CEP290: variants seen among roughly 807,000 people sequenced by gnomAD.
The protein encoded by CEP290 is centrosomal protein of 290 kDa.
Under a neutral mutation model 344.9 loss-of-function variants are expected in CEP290, and 317 were observed. The ratio of observed to expected loss-of-function variants is 0.92; its 90% CI spans 0.84 to 1.01. CEP290 has a LOEUF of 1.01. Ranked by LOEUF, CEP290 falls within the 50% of genes least tolerant of loss-of-function variation. The probability of loss-of-function intolerance (pLI) is 0.00; values close to 1 mark genes in which losing one functional copy is unlikely to be tolerated. For missense variants in CEP290, 2,754 were observed against 2,761.4 expected, an observed-to-expected ratio of 1.00 and a Z score of 0.06; for synonymous variants, 932 against 895.8, an observed-to-expected ratio of 1.04 and a Z score of -0.72.
Position 88,059,992 on chromosome 12 carries a change from A to T in CEP290, c.6551T>A (p.Leu2184His). ...ATAGTGCATGCTCAACTGATGCCCAAGATGAGCTTTAAGTTTTTCTAATTC... is the reference window on the plus strand; with the variant it reads ...ATAGTGCATGCTCAACTGATGCCCATGATGAGCTTTAAGTTTTTCTAATTC... ...KAELEKLKAH[L>H]GHQLSMHYES... The change falls in exon 48 of 54, where the codon CTT (leucine) becomes CAT (histidine). Residue 2184 changes from leucine (L) to histidine (H), a missense_variant. By Grantham distance (99) the Leu-to-His change is moderately conservative (BLOSUM62 -3). Coordinates refer to ENST00000552810, the MANE Select transcript of CEP290 (RefSeq NM_025114.4). 6.4e-7 allele frequency: 1 copy of T among 1,569,810 alleles called. No homozygotes were observed. Among genetic ancestry groups the T allele is most frequent in the East Asian group, 2.3e-5 (1 of 43,874 alleles).
Position 88,083,024 on chromosome 12 carries a change from G to T in CEP290, c.5012+7C>A. 1 of 1,430,634 alleles carries T rather than the reference G, an allele frequency of 7.0e-7. No individual in the cohort carries two copies. The highest frequency in any genetic ancestry group is 1.3e-5 in the South Asian group (1 of 75,524). 88.6% of individuals were successfully genotyped at this position (1,430,634 alleles called of 1,614,324 possible). On this transcript the variant is annotated splice_region_variant and intron_variant, in intron 37 of 53. Transcript: ENST00000552810. ...GCCTATTTTTACAATACATTTCGAA[G>T]ACTTACTGTAATTTGATATTTTCAA...
rs1397480003 is a variant in CEP290, at chr12:88,049,331, G to A, written c.7293C>T (p.Tyr2431=). The change falls in exon 54 of 54, where the codon TAC becomes TAT. Residue 2431 remains tyrosine, a synonymous_variant. Coordinates refer to ENST00000552810, the MANE Select transcript of CEP290 (RefSeq NM_025114.4). ...FEEIEDLKYN[Y]KEEVKKNILL... ...GAATATTCTTCTTCACTTCTTCCTT[G>A]TAATTATACTTAAGATCTTCAATTT... The A allele has an allele frequency of 2.5e-5, 40 of 1,585,434 alleles. No homozygotes were observed. Among genetic ancestry groups the A allele is most frequent in the Non-Finnish European group, 3.2e-5 (37 of 1,160,890 alleles).
intron 41 of CEP290, among the ~76,000 whole-genome samples, chr12:88,074,086 G>T (rs1482762536): frequency 2.0e-5 from 3 of 152,006 alleles, no homozygotes; most frequent in African/African-American, 7.2e-5. Flanking sequence ...TTAGCCAGTC[G>T]TGGTGCCAGG....
Position 88,128,930 on chromosome 12 carries a change from A to G in CEP290, c.942+16T>C. 1 of 1,447,104 alleles carries G rather than the reference A, an allele frequency of 6.9e-7. No homozygotes were observed. Among genetic ancestry groups the G allele is most frequent in the Non-Finnish European group, 9.2e-7 (1 of 1,089,368 alleles). The allele number at this position is 1,447,104 out of a possible 1,614,324, so 89.6% of individuals were successfully genotyped here. A position where few individuals can be genotyped will look rare whatever the true frequency, so the allele number is the denominator to read the frequency against. ...TACAAAAAGAAAAAGTTATTATGTC[A>G]ATTGAAAAAAAATACCTTCCATTCT... On this transcript the variant is annotated intron_variant, in intron 11 of 53. Transcript: ENST00000552810.
rs1426789880 is a variant in CEP290, at chr12:88,141,346, C to A, written c.-27-12G>T. The A allele has an allele frequency of 2.2e-6, 3 of 1,363,824 alleles. No individual in the cohort carries two copies. Among genetic ancestry groups the A allele is most frequent in the East Asian group, 4.8e-5 (2 of 41,768 alleles). The allele number at this position is 1,363,824 out of a possible 1,614,324, so 84.5% of individuals were successfully genotyped here. On this transcript the variant is annotated splice_polypyrimidine_tract_variant and intron_variant, in intron 1 of 53. Coordinates refer to ENST00000552810, the MANE Select transcript of CEP290 (RefSeq NM_025114.4). ...ACTGTGCTCCACCTCTGTAACAAAA[C>A]AGGTGTATATTAGCATTTTCAAGGT...
At chr12:88,123,920 C>T (rs2039570356) in intron 13 of CEP290, among the ~76,000 whole-genome samples, 1 of 152,078 alleles carries the variant, frequency 6.6e-6, no homozygotes, top group Non-Finnish European at 1.5e-5. Context: ...AGAGTTCTCT[C>T]TCTCTCACAT....
At chr12:88,073,707 A>G (rs569931620) in intron 41 of CEP290, among the ~76,000 whole-genome samples, 1 of 152,202 alleles carries the variant, frequency 6.6e-6, no homozygotes, top group South Asian at 2.1e-4. Flanking sequence ...CGAGGCAGGA[A>G]GATTGTTTGA....
At chr12:88,118,358 C>T in intron 17 of CEP290, 125 bp downstream of exon 17, 2 of 730,826 alleles carry the variant, frequency 2.7e-6, no homozygotes, top group South Asian at 1.9e-5. Context: ...TTATTATTGT[C>T]ATTTATTAAA....
At chr12:88,100,876 G>A (rs547250949) in intron 26 of CEP290, among the ~76,000 whole-genome samples, 33 of 152,236 alleles carry the variant, frequency 2.2e-4, no homozygotes, top group Admixed American at 5.9e-4. Context: ...AAAAGAGCAC[G>A]TACAAAAGAA....
intron 44 of CEP290, among the ~76,000 whole-genome samples, chr12:88,065,646 A>T (rs1485914777): frequency 6.6e-6 from 1 of 152,186 alleles, no homozygotes; most frequent in African/African-American, 2.4e-5. Context: ...TGATTCAGCA[A>T]ATGATAAACA....
At chr12:88,138,190 T>C (rs930424167) in intron 5 of CEP290, among the ~76,000 whole-genome samples, 1 of 152,082 alleles carries the variant, frequency 6.6e-6, no homozygotes, top group African/African-American at 2.4e-5. Context: ...TCCATATCCC[T>C]ACCCTTCTGC....
rs141907559 is a variant in CEP290, at chr12:88,139,852, C to T, written c.181-288G>A. 8.7e-3 allele frequency among the ~76,000 whole-genome samples: 1,319 copies of T among 152,264 alleles called. 9 individuals carry two copies. The highest frequency in any genetic ancestry group is 0.017 in the Middle Eastern group (5 of 294). Reference sequence around the variant, plus strand: ...CAAGCAATCTTCCCATCTCAGTCTCCTGAGTAGCTGGGACTACAGGTGCAT... The same window carrying T: ...CAAGCAATCTTCCCATCTCAGTCTCTTGAGTAGCTGGGACTACAGGTGCAT... On this transcript the variant is annotated intron_variant, in intron 3 of 53. Transcript: ENST00000552810.
At chr12:88,124,582 A>C (rs1253804729) in intron 13 of CEP290, among the ~76,000 whole-genome samples, 3 of 151,550 alleles carry the variant, frequency 2.0e-5, no homozygotes, top group African/African-American at 7.2e-5. Context: ...ATATGTGTAT[A>C]TATGTATATA....
chr12:88,065,330 C>A (rs543588716), intron 44 of CEP290, among the ~76,000 whole-genome samples: 11 of 52,596 alleles, frequency 2.1e-4, no homozygotes, highest in African/African-American at 3.2e-4. Flanking sequence ...CTGCATGTGT[C>A]CATCTGATTT....
chr12:88,105,676 A>G (rs1592585034), intron 25 of CEP290, among the ~76,000 whole-genome samples: 1 of 152,292 alleles, frequency 6.6e-6, no homozygotes, highest in East Asian at 1.9e-4. Context: ...CCAAAATATC[A>G]CCAGTTAGCT....
chr12:88,114,384 TA>T (rs113317877), intron 20 of CEP290, 35 bp downstream of exon 20: 12 of 1,498,444 alleles, frequency 8.0e-6, no homozygotes, highest in African/African-American at 7.2e-5. Context: ...TCTAAAGTGA[TA>T]GGGGAAAAAC....
At chr12:88,056,235 A>C (rs2033991040) in intron 49 of CEP290, among the ~76,000 whole-genome samples, 1 of 152,050 alleles carries the variant, frequency 6.6e-6, no homozygotes, top group Non-Finnish European at 1.5e-5. Flanking sequence ...TAGATTTATA[A>C]TCATTAAAGA....
rs1387839272 is a variant in CEP290 at position 88,071,844 on chromosome 12, T to C, written c.5792A>G (p.Glu1931Gly). The part of the protein sequence containing the change: ...KIEGIRNKLK[E>G]KEGEVFTLTK... ...TAAAGTAAAGACTTCCCCCTCTTTCTCTTTTAACTTGTTTCGAATTCCTTC... is the reference window on the plus strand; with the variant it reads ...TAAAGTAAAGACTTCCCCCTCTTTCCCTTTTAACTTGTTTCGAATTCCTTC... The change falls in exon 42 of 54, where the codon GAG becomes GGG. Residue 1931 changes from glutamate (E) to glycine (G), a missense_variant. Transcript: ENST00000552810. 6.2e-7 allele frequency: 1 copy of C among 1,605,516 alleles called. No homozygotes were observed. Among genetic ancestry groups the C allele is most frequent in the East Asian group, 2.3e-5 (1 of 44,378 alleles).
At chr12:88,119,199 T>C (rs1044103476) in intron 15 of CEP290, among the ~76,000 whole-genome samples, 2 of 152,190 alleles carry the variant, frequency 1.3e-5, no homozygotes, top group South Asian at 2.1e-4. Flanking sequence ...CTGTATAAAA[T>C]ACTTATTTGT....
Sources: allele counts gnomAD v4.1 joint callset (sites outside exome capture counted in the v4.1 genomes callset), GRCh38; gene constraint gnomAD v4.1.1; transcripts MANE v1.5; gene names NCBI Gene and HGNC (gene_info 2026-07-23, HGNC 2026-07-21).